AMPH: variants seen among roughly 807,000 people sequenced by gnomAD.
AMPH encodes the protein amphiphysin.
Under a neutral mutation model 99.1 loss-of-function variants are expected in AMPH, and 49 were observed. The observed-to-expected ratio is 0.49, with a 90% CI of 0.39 to 0.63. The LOEUF is 0.63. AMPH is among the 20% of genes least tolerant of loss of function. The pLI, the probability that AMPH is intolerant of heterozygous loss-of-function variation, is 0.00. For missense variants in AMPH, 759 were observed against 863.4 expected (o/e 0.88, Z 1.52); for synonymous variants, 314 against 317.3 (o/e 0.99, Z 0.11).
intron 15 of AMPH, among the ~76,000 whole-genome samples, chr7:38,424,025 T>C (rs1008640269): frequency 6.6e-6 from 1 of 152,080 alleles, no homozygotes; most frequent in Non-Finnish European, 1.5e-5. Context: ...TCCCATTTTT[T>C]CCCCAATCAC....
At chr7:38,494,278 A>G (rs1788840095) in intron 4 of AMPH, among the ~76,000 whole-genome samples, 155 bp downstream of exon 4, 1 of 152,068 alleles carries the variant, frequency 6.6e-6, no homozygotes, top group Non-Finnish European at 1.5e-5. Context: ...TTTTCACTCT[A>G]AGTTTGGAAT....
chr7:38,555,340 G>A (rs922504999), intron 1 of AMPH, among the ~76,000 whole-genome samples: 36 of 152,062 alleles, frequency 2.4e-4, no homozygotes, highest in African/African-American at 7.2e-4. Context: ...AGGAGTTTGA[G>A]GCTACAGTAA....
chr7:38,462,817 G>T (rs767962051), intron 10 of AMPH, among the ~76,000 whole-genome samples, 158 bp downstream of exon 10: 3 of 152,150 alleles, frequency 2.0e-5, no homozygotes, highest in Non-Finnish European at 4.4e-5. Flanking sequence ...AAAAGCAGGT[G>T]GATACCTTCA....
At chr7:38,415,039 G>C (rs1000955307) in intron 17 of AMPH, among the ~76,000 whole-genome samples, 4 of 152,066 alleles carry the variant, frequency 2.6e-5, no homozygotes, top group African/African-American at 9.7e-5. Flanking sequence ...AAAGACAAGA[G>C]TGTTGTTTTT....
intron 1 of AMPH, among the ~76,000 whole-genome samples, chr7:38,598,505 T>C (rs7807645): frequency 0.15 from 22,874 of 152,152 alleles, 2,270 homozygotes; most frequent in Admixed American, 0.26. Flanking sequence ...GGTTTCGCCA[T>C]GTTGGCCAGG....
intron 1 of AMPH, among the ~76,000 whole-genome samples, chr7:38,589,076 G>A (rs1792765137): frequency 6.6e-6 from 1 of 152,094 alleles, no homozygotes; most frequent in Non-Finnish European, 1.5e-5. Context: ...CTTTAGAATA[G>A]AAAATACCAT....
chr7:38,429,291 G>A (rs755282089), intron 14 of AMPH: 2 of 1,286,640 alleles, frequency 1.6e-6, no homozygotes, highest in East Asian at 5.6e-5. Context: ...ACCTGGAAAG[G>A]CTGGCCCCGG....
chr7:38,493,955 ACTTTT>A (rs1788824857), intron 4 of AMPH, among the ~76,000 whole-genome samples: 1 of 151,980 alleles, frequency 6.6e-6, no homozygotes, highest in South Asian at 2.1e-4. Flanking sequence ...GATCATCTTC[ACTTTT>A]CTTTTATTTT....
intron 1 of AMPH, among the ~76,000 whole-genome samples, chr7:38,599,020 T>C (rs940710435): frequency 1.3e-5 from 2 of 152,234 alleles, no homozygotes; most frequent in African/African-American, 4.8e-5. Flanking sequence ...GTGCTCAATG[T>C]CATTAATTTC....
At chr7:38,531,825 A>G (rs1790408710) in intron 2 of AMPH, among the ~76,000 whole-genome samples, 1 of 152,180 alleles carries the variant, frequency 6.6e-6, no homozygotes, top group African/African-American at 2.4e-5. Context: ...ATATACTCGT[A>G]GAAAAAATAT....
intron 17 of AMPH, among the ~76,000 whole-genome samples, chr7:38,414,952 C>T (rs1785325000): frequency 6.6e-6 from 1 of 152,164 alleles, no homozygotes. Context: ...GCATGAGCCA[C>T]CACACCTGGC....
intron 2 of AMPH, among the ~76,000 whole-genome samples, chr7:38,507,880 T>C (rs3807409): frequency 0.85 from 130,062 of 152,198 alleles, 55,799 homozygotes; most frequent in Middle Eastern, 0.87. Flanking sequence ...TAATACTCCT[T>C]CTTAGAGAAG....
At chr7:38,499,013 T>C (rs1789032955) in intron 3 of AMPH, among the ~76,000 whole-genome samples, 1 of 152,182 alleles carries the variant, frequency 6.6e-6, no homozygotes, top group South Asian at 2.1e-4. Flanking sequence ...ACCTAATGAC[T>C]TGATGGCCAC....
At chr7:38,556,387 G>T (rs376879873) in intron 1 of AMPH, among the ~76,000 whole-genome samples, 6 of 152,158 alleles carry the variant, frequency 3.9e-5, no homozygotes, top group Non-Finnish European at 8.8e-5. Context: ...ATGAGAAACT[G>T]CCCAGGCCTT....
intron 10 of AMPH, among the ~76,000 whole-genome samples, chr7:38,461,713 G>C (rs1256799655): frequency 1.3e-5 from 2 of 152,060 alleles, no homozygotes; most frequent in Non-Finnish European, 2.9e-5. Flanking sequence ...GGTTAAACTA[G>C]GGCAATACCC....
intron 6 of AMPH, 108 bp downstream of exon 6, chr7:38,476,754 T>C: frequency 1.4e-6 from 1 of 719,486 alleles, no homozygotes; most frequent in Non-Finnish European, 2.3e-6. Flanking sequence ...TTAAATTCTG[T>C]TCAGATTCCA....
chr7:38,556,013 C>A (rs375728841), intron 1 of AMPH, among the ~76,000 whole-genome samples: 5 of 152,042 alleles, frequency 3.3e-5, no homozygotes, highest in East Asian at 3.8e-4. Context: ...CTATTGGGTA[C>A]TATGTTCAGA....
intron 5 of AMPH, among the ~76,000 whole-genome samples, chr7:38,479,251 A>C (rs1189134513): frequency 6.6e-6 from 1 of 152,098 alleles, no homozygotes; most frequent in Non-Finnish European, 1.5e-5. Flanking sequence ...TTCAGAAACC[A>C]TGCAAACCAG....
chr7:38,432,511 G>A (rs1232648548), intron 12 of AMPH, among the ~76,000 whole-genome samples: 1 of 151,880 alleles, frequency 6.6e-6, no homozygotes, highest in Non-Finnish European at 1.5e-5. Flanking sequence ...GCTTTGGATA[G>A]CACAGGTCTA....
Sources: gnomAD v4.1 joint callset for allele counts (sites outside exome capture counted in the v4.1 genomes callset) on GRCh38, gnomAD v4.1.1 for gene constraint, MANE v1.5 for transcripts, NCBI Gene and HGNC (gene_info 2026-07-23, HGNC 2026-07-21) for gene names.